PDZRN3: variants seen among roughly 807,000 people sequenced by gnomAD.
PDZRN3 encodes E3 ubiquitin-protein ligase PDZRN3.
A neutral mutation model predicts 85.7 loss-of-function variants in PDZRN3; 38 were observed. That is an observed-to-expected ratio of 0.44 (90% CI 0.34 to 0.58). The LOEUF (loss-of-function observed/expected upper bound fraction) is 0.58. Ranked by LOEUF, PDZRN3 falls within the 20% of genes least tolerant of loss-of-function variation. The pLI is 0.01. For synonymous variants in PDZRN3, 759 were observed against 638.0 expected (o/e 1.19, Z -2.86); for missense variants, 1,629 against 1,506.4 (o/e 1.08, Z -1.35).
chr3:73,617,266 G>C (rs1559759234), intron 1 of PDZRN3, among the ~76,000 whole-genome samples: 1 of 152,180 alleles, frequency 6.6e-6, no homozygotes, highest in Admixed American at 6.5e-5. Flanking sequence ...TAAATATATG[G>C]ATGGAATGAG....
In PDZRN3 at chr3:73,624,401, C is replaced by G; in HGVS notation, c.425G>C (p.Cys142Ser). The stretch of plus-strand genomic sequence containing the variant: ...CAAGGGTAGCCCGCAGCCCTCCTGG[C>G]AGCGGCCCACTGGCCGCGCGTCGCA... ...DACDARPVGR[C>S]QEGCGLPLTH... Residue 142 changes from cysteine (C) to serine (S), a missense_variant, in exon 1 of 10, where the codon TGC becomes TCC. Transcript: ENST00000263666. 1 of 1,305,002 alleles carries G rather than the reference C, an allele frequency of 7.7e-7. No homozygotes were observed. The highest frequency in any genetic ancestry group is 9.7e-7 in the Non-Finnish European group (1 of 1,031,968). The allele number at this position is 1,305,002 out of a possible 1,614,324, so 80.8% of individuals were successfully genotyped here. A position where few individuals can be genotyped will look rare whatever the true frequency, so the allele number is the denominator to read the frequency against.
chr3:73,438,866 T>A (rs563026119), intron 3 of PDZRN3, among the ~76,000 whole-genome samples: 6 of 152,364 alleles, frequency 3.9e-5, no homozygotes, highest in African/African-American at 9.6e-5. Context: ...CCCAGCCTCA[T>A]CTGCGTCCTC....
chr3:73,409,809 A>G (rs1232505944), intron 3 of PDZRN3, among the ~76,000 whole-genome samples: 1 of 152,316 alleles, frequency 6.6e-6, no homozygotes. Context: ...GCAGTTCAGG[A>G]TATTTTAGAA....
intron 3 of PDZRN3, among the ~76,000 whole-genome samples, chr3:73,407,554 T>C (rs1263564881): frequency 6.6e-6 from 1 of 152,200 alleles, no homozygotes; most frequent in Non-Finnish European, 1.5e-5. Context: ...TAGGCACAAA[T>C]GTTTTCTCAT....
intron 3 of PDZRN3, chr3:73,569,387 TGC>T: frequency 2.5e-6 from 3 of 1,199,448 alleles, no homozygotes; most frequent in Non-Finnish European, 3.2e-6. Context: ...GCCACATGTG[TGC>T]CGCATACCTG....
At chr3:73,452,847 G>C (rs1006820968) in intron 3 of PDZRN3, among the ~76,000 whole-genome samples, 5 of 151,018 alleles carry the variant, frequency 3.3e-5, no homozygotes, top group African/African-American at 7.3e-5. Flanking sequence ...ATCTGTGTGT[G>C]TGTGTGTGTG....
At chr3:73,481,123 CTA>C (rs1559701374) in intron 3 of PDZRN3, among the ~76,000 whole-genome samples, 1 of 152,204 alleles carries the variant, frequency 6.6e-6, no homozygotes, top group Admixed American at 6.5e-5. Flanking sequence ...GCTCTCACCT[CTA>C]TGCATACAGA....
chr3:73,606,515 A>T (rs946668026), intron 2 of PDZRN3, among the ~76,000 whole-genome samples: 1 of 152,210 alleles, frequency 6.6e-6, no homozygotes, highest in African/African-American at 2.4e-5. Flanking sequence ...ACATGATGAC[A>T]TGCAGCCTGG....
intron 3 of PDZRN3, among the ~76,000 whole-genome samples, chr3:73,542,517 T>G (rs1195332039): frequency 1.3e-5 from 2 of 152,110 alleles, no homozygotes; most frequent in African/African-American, 4.8e-5. Flanking sequence ...CCCATATCTA[T>G]AATACCAGCA....
At chr3:73,550,213 C>G (rs1000322889) in intron 3 of PDZRN3, among the ~76,000 whole-genome samples, 1 of 152,166 alleles carries the variant, frequency 6.6e-6, no homozygotes. Context: ...CATCCGGGAA[C>G]TGGTTAGAAA....
rs79041243 is a variant in PDZRN3, at chr3:73,522,386, T to A, written c.918+79968A>T. Among the ~76,000 whole-genome samples, 67 of 152,334 alleles carry A rather than the reference T, an allele frequency of 4.4e-4. No homozygotes were observed. In the East Asian group the frequency reaches 0.011, roughly 25 times the overall value. On this transcript the variant is annotated intron_variant, in intron 3 of 9. Coordinates refer to ENST00000263666, the MANE Select transcript of PDZRN3 (RefSeq NM_015009.3). ...GACATTTTAACTTACCTTGGGGCCATAAGCATCAAAACATGCTAGTGCTAT... is the reference window on the plus strand; with the variant it reads ...GACATTTTAACTTACCTTGGGGCCAAAAGCATCAAAACATGCTAGTGCTAT...
intron 3 of PDZRN3, among the ~76,000 whole-genome samples, chr3:73,516,388 C>T (rs781077851): frequency 6.6e-6 from 1 of 152,176 alleles, no homozygotes; most frequent in African/African-American, 2.4e-5. Context: ...TGCCTATTAT[C>T]CAACTGTTAC....
intron 3 of PDZRN3, among the ~76,000 whole-genome samples, chr3:73,556,243 C>A (rs991700012): frequency 1.3e-5 from 2 of 151,498 alleles, no homozygotes; most frequent in Non-Finnish European, 2.9e-5. Flanking sequence ...ATATTTAAAT[C>A]GAAAGTTAAG....
chr3:73,510,292 C>T (rs1296870843), intron 3 of PDZRN3, among the ~76,000 whole-genome samples: 3 of 152,182 alleles, frequency 2.0e-5, no homozygotes, highest in African/African-American at 7.2e-5. Flanking sequence ...ACTAGTGCTC[C>T]TTATGTACAA....
chr3:73,419,397 G>A (rs1702154498), intron 3 of PDZRN3, among the ~76,000 whole-genome samples: 1 of 152,126 alleles, frequency 6.6e-6, no homozygotes, highest in Non-Finnish European at 1.5e-5. Flanking sequence ...CAGCTGGGTG[G>A]AAATGCACTT....
intron 3 of PDZRN3, among the ~76,000 whole-genome samples, chr3:73,426,488 A>AT (rs974442300): frequency 1.3e-5 from 2 of 152,102 alleles, no homozygotes; most frequent in Non-Finnish European, 2.9e-5. Flanking sequence ...TTACAGAACT[A>AT]TTTGCTTGAA....
rs771252593 is a variant in PDZRN3 at position 73,384,810 on chromosome 3, G to C, written c.1756C>G (p.Gln586Glu). Residue 586 changes from glutamine to glutamate, a missense_variant, in exon 10 of 10, where the codon CAA (glutamine) becomes GAA (glutamate). By Grantham distance (29) the Gln-to-Glu change is conservative (BLOSUM62 2). Coordinates refer to ENST00000263666, the MANE Select transcript of PDZRN3 (RefSeq NM_015009.3). ...ESTRNDESSE[Q>E]ENNGDDATAS... is the part of the protein sequence containing the mutation. ...GTGGCGTCGTCGCCATTGTTCTCTT[G>C]CTCCGAGCTCTCGTCATTACGGGTG... The C allele has an allele frequency of 6.2e-7, 1 of 1,614,036 alleles. No homozygotes were observed. The highest frequency in any genetic ancestry group is 1.1e-5 in the South Asian group (1 of 91,088).
intron 5 of PDZRN3, among the ~76,000 whole-genome samples, chr3:73,398,946 A>G (rs1050763089): frequency 1.3e-5 from 2 of 152,198 alleles, no homozygotes; most frequent in Admixed American, 6.5e-5. Flanking sequence ...AAAGCACGTA[A>G]GAGTTCTGGT....
At chr3:73,461,201 G>A (rs760657501) in intron 3 of PDZRN3, among the ~76,000 whole-genome samples, 17 of 152,182 alleles carry the variant, frequency 1.1e-4, no homozygotes, top group Non-Finnish European at 2.4e-4. Flanking sequence ...TTAGGAAGTG[G>A]TTGAAAATCT....
Sources: allele counts gnomAD v4.1 joint callset (sites outside exome capture counted in the v4.1 genomes callset), GRCh38; gene constraint gnomAD v4.1.1; transcripts MANE v1.5; gene names NCBI Gene and HGNC (gene_info 2026-07-23, HGNC 2026-07-21).